HELZ: variants seen among roughly 807,000 people sequenced by gnomAD.
The protein encoded by HELZ is ATP-dependent RNA helicase with zinc finger domain.
A neutral mutation model predicts 218.2 loss-of-function variants in HELZ; 23 were observed. The ratio of observed to expected loss-of-function variants is 0.11; its 90% CI spans 0.08 to 0.15. HELZ has a LOEUF of 0.15. Among genes scored for constraint, HELZ ranks in the 10% least tolerant of loss-of-function variants. The pLI, the probability that HELZ is intolerant of heterozygous loss-of-function variation, is 1.00. For missense variants in HELZ, 1,813 were observed against 2,353.7 expected (o/e 0.77, Z 4.75); for synonymous variants, 814 against 829.4 (o/e 0.98, Z 0.32).
At chr17:67,098,507 G>A (rs953173765) in intron 31 of HELZ, among the ~76,000 whole-genome samples, 45 of 151,972 alleles carry the variant, frequency 3.0e-4, no homozygotes, top group South Asian at 2.1e-4. Context: ...AGCCAAGGTG[G>A]GCGGATCACC....
chr17:67,218,893 A>G (rs530388947), intron 3 of HELZ, 71 bp from the exon 4 acceptor site: 2 of 1,092,334 alleles, frequency 1.8e-6, no homozygotes, highest in African/African-American at 3.1e-5. Context: ...CCCCATTCCT[A>G]TCTCAGCTGG....
Position 67,078,248 on chromosome 17 carries a change from G to T in HELZ, c.*4C>A. The T allele has an allele frequency of 6.4e-7, 1 of 1,555,542 alleles. No homozygotes were observed. Among genetic ancestry groups the T allele is most frequent in the Non-Finnish European group, 8.8e-7 (1 of 1,131,568 alleles). ...CATTCTCCCTTGAGGGAAAAAAAAA[G>T]TGATTATTTAAAATATGAGTAAAAG... is the stretch of plus-strand genomic sequence containing the variant. On this transcript the variant is annotated 3_prime_UTR_variant, in exon 33 of 33. Transcript: ENST00000358691.
At position 67,123,892 on chromosome 17, in the gene HELZ, T is replaced by C. The variant is rs1375251729; in HGVS notation, c.3439+71A>G. On this transcript the variant is annotated intron_variant, in intron 25 of 32. Transcript: ENST00000358691. ...AACCATCTCCCCACCCTCCTCTTTC[T>C]TGTGGTGAAATTTGGGGAAAATCTC... 17 of 1,013,898 alleles carry C rather than the reference T, an allele frequency of 1.7e-5. No individual in the cohort carries two copies. In the Admixed American group the frequency reaches 2.6e-4, roughly 15 times the overall value. 62.8% of individuals were successfully genotyped at this position (1,013,898 alleles called of 1,614,324 possible). A position where few individuals can be genotyped will look rare whatever the true frequency, so the allele number is the denominator to read the frequency against.
chr17:67,194,919 T>TAAG (rs147212485), intron 8 of HELZ, among the ~76,000 whole-genome samples: 13,234 of 152,170 alleles, frequency 0.087, 1,502 homozygotes, highest in African/African-American at 0.26. Context: ...AGAAGGACTC[T>TAAG]AAGTCAGTAC....
chr17:67,090,280 T>A (rs1416509103), intron 31 of HELZ, among the ~76,000 whole-genome samples: 1 of 152,224 alleles, frequency 6.6e-6, no homozygotes, highest in Non-Finnish European at 1.5e-5. Context: ...CATAGTATAT[T>A]CTTTTCATAT....
At chr17:67,182,685 A>G (rs1486958644) in intron 12 of HELZ, among the ~76,000 whole-genome samples, 2 of 152,182 alleles carry the variant, frequency 1.3e-5, no homozygotes, top group African/African-American at 4.8e-5. Context: ...TAATCTTTTG[A>G]AGATAACAGT....
intron 17 of HELZ, among the ~76,000 whole-genome samples, chr17:67,152,715 T>C (rs928698997): frequency 2.2e-5 from 3 of 139,158 alleles, no homozygotes; most frequent in African/African-American, 8.1e-5. Flanking sequence ...ACAATTGGGA[T>C]AATACTAAAC....
chr17:67,094,071 C>T (rs148740212), intron 31 of HELZ, among the ~76,000 whole-genome samples: 224 of 152,240 alleles, frequency 1.5e-3, no homozygotes, highest in African/African-American at 5.1e-3. Context: ...CATGTAGTCC[C>T]AGCACTTTTG....
At chr17:67,208,289 G>A (rs1317793608) in intron 5 of HELZ, among the ~76,000 whole-genome samples, 1 of 151,806 alleles carries the variant, frequency 6.6e-6, no homozygotes, top group East Asian at 1.9e-4. Context: ...GTAGGAGGCA[G>A]CACAAGGGAG....
At chr17:67,131,338 A>G (rs2037978099) in intron 23 of HELZ, among the ~76,000 whole-genome samples, 1 of 152,184 alleles carries the variant, frequency 6.6e-6, no homozygotes, top group Non-Finnish European at 1.5e-5. Context: ...ACCGCAATGA[A>G]CAGAATTTGA....
intron 12 of HELZ, among the ~76,000 whole-genome samples, chr17:67,183,000 G>T (rs1419246681): frequency 6.6e-6 from 1 of 152,206 alleles, no homozygotes; most frequent in African/African-American, 2.4e-5. Context: ...GTAAGAGGCA[G>T]GTAATAAATG....
chr17:67,133,883 T>C (rs938190518), intron 23 of HELZ, among the ~76,000 whole-genome samples: 1 of 152,200 alleles, frequency 6.6e-6, no homozygotes, highest in African/African-American at 2.4e-5. Flanking sequence ...TGCTTTAATA[T>C]ATTACATTCT....
intron 27 of HELZ, among the ~76,000 whole-genome samples, chr17:67,118,891 T>C (rs1486914087): frequency 6.6e-6 from 1 of 151,836 alleles, no homozygotes; most frequent in Non-Finnish European, 1.5e-5. Flanking sequence ...ATAAGCACAA[T>C]AAAAAGATAC....
intron 3 of HELZ, among the ~76,000 whole-genome samples, chr17:67,220,021 C>T (rs1466972298): frequency 6.6e-6 from 1 of 152,150 alleles, no homozygotes; most frequent in African/African-American, 2.4e-5. Context: ...GATTGCTTTC[C>T]GTGCCTGCAT....
intron 32 of HELZ, among the ~76,000 whole-genome samples, chr17:67,084,121 T>C (rs1348334734): frequency 6.6e-6 from 1 of 152,184 alleles, no homozygotes; most frequent in African/African-American, 2.4e-5. Flanking sequence ...AAATAAAAAA[T>C]TGATAAACAA....
chr17:67,103,494 T>A (rs1218166213), intron 31 of HELZ, among the ~76,000 whole-genome samples: 16 of 152,188 alleles, frequency 1.1e-4, no homozygotes, highest in Non-Finnish European at 2.9e-5. Flanking sequence ...CCATTTATGA[T>A]AGCATGAGAA....
At chr17:67,146,165 G>A (rs1412518786) in intron 20 of HELZ, among the ~76,000 whole-genome samples, 1 of 152,034 alleles carries the variant, frequency 6.6e-6, no homozygotes, top group Non-Finnish European at 1.5e-5. Context: ...GACTTTATGA[G>A]GAAATTTGCT....
chr17:67,109,521 G>A lies in HELZ; in HGVS notation c.4084C>T (p.Pro1362Ser). ...QYAIPNRHFH[P>S]LPQLPRPPFP... ...GGTGGTCTTGGTAGCTGGGGAAGGG[G>A]ATGAAAGTGGCGATTAGGGATTGCA... is the stretch of plus-strand genomic sequence containing the variant. Residue 1362 changes from proline to serine, a missense_variant, in exon 29 of 33, where the codon CCC becomes TCC. Coordinates refer to ENST00000358691, the MANE Select transcript of HELZ (RefSeq NM_014877.4). 1 of 1,614,180 alleles carries A rather than the reference G, an allele frequency of 6.2e-7. No homozygotes were observed. The highest frequency in any genetic ancestry group is 1.7e-5 in the Admixed American group (1 of 60,012).
intron 7 of HELZ, among the ~76,000 whole-genome samples, chr17:67,195,676 G>C (rs539605302): frequency 6.6e-6 from 1 of 151,990 alleles, no homozygotes; most frequent in African/African-American, 2.4e-5. Context: ...CTCTCATTAA[G>C]GAAGCTGATA....
Sources: gnomAD v4.1 joint callset for allele counts (sites outside exome capture counted in the v4.1 genomes callset) on GRCh38, gnomAD v4.1.1 for gene constraint, MANE v1.5 for transcripts, NCBI Gene and HGNC (gene_info 2026-07-23, HGNC 2026-07-21) for gene names.